The following CD86 variants were observed in gnomAD, a reference collection of about 807,000 sequenced individuals.
The protein encoded by CD86 is CD86 molecule.
Under a neutral mutation model 32.1 loss-of-function variants are expected in CD86, and 11 were observed. The observed-to-expected ratio is 0.34, with a 90% confidence interval of 0.22 to 0.57. The LOEUF is 0.57. CD86 is among the 20% of genes least tolerant of loss of function. The pLI, the probability that CD86 is intolerant of heterozygous loss-of-function variation, is 0.86. For missense variants in CD86, 359 were observed against 398.4 expected, an observed-to-expected ratio of 0.90 and a Z score of 0.84; for synonymous variants, 137 against 135.3, an observed-to-expected ratio of 1.01 and a Z score of -0.09.
intron 1 of CD86, among the ~76,000 whole-genome samples, chr3:122,090,495 C>G (rs2072798070): frequency 1.3e-5 from 2 of 152,152 alleles, no homozygotes; most frequent in African/African-American, 4.8e-5. Context: ...AAATTTATGT[C>G]CCCCTCAGTG....
chr3:122,086,916 AGT>A (rs10561530), intron 1 of CD86, among the ~76,000 whole-genome samples: 152,256 of 152,282 alleles, frequency 1, 76,115 homozygotes, highest in Middle Eastern at 1. Flanking sequence ...GTGCTACACC[AGT>A]GTGTGAAAGA....
intron 1 of CD86, among the ~76,000 whole-genome samples, chr3:122,059,875 T>C (rs564086907): frequency 6.6e-6 from 1 of 152,226 alleles, no homozygotes; most frequent in East Asian, 1.9e-4. Context: ...GGAAAAGCGG[T>C]GTGAAGACAC....
chr3:122,059,638 C>T (rs1431032561), intron 1 of CD86, among the ~76,000 whole-genome samples: 5 of 151,834 alleles, frequency 3.3e-5, no homozygotes, highest in African/African-American at 9.7e-5. Flanking sequence ...CCATGTTGAA[C>T]ACATGAGATG....
intron 3 of CD86, among the ~76,000 whole-genome samples, chr3:122,104,359 A>G (rs1386583676): frequency 1.3e-5 from 2 of 152,148 alleles, no homozygotes; most frequent in African/African-American, 4.8e-5. Context: ...TGAGCCTGGT[A>G]GACAGAAGGG....
intron 1 of CD86, among the ~76,000 whole-genome samples, chr3:122,086,967 T>C (rs560628670): frequency 2.2e-4 from 33 of 152,304 alleles, no homozygotes; most frequent in Middle Eastern, 3.4e-3. Context: ...GCTGTACCAT[T>C]TACTAGCTGG....
At chr3:122,057,761 C>T (rs1246310470) in intron 1 of CD86, among the ~76,000 whole-genome samples, 1 of 152,194 alleles carries the variant, frequency 6.6e-6, no homozygotes, top group African/African-American at 2.4e-5. Context: ...AATACACCCA[C>T]TCTACCCATA....
chr3:122,079,037 A>G (rs1313415472), intron 1 of CD86, among the ~76,000 whole-genome samples: 1 of 152,330 alleles, frequency 6.6e-6, no homozygotes, highest in South Asian at 2.1e-4. Context: ...AGTGCTTGCT[A>G]TGTTCCAGGT....
At chr3:122,088,953 A>G (rs1238659313) in intron 1 of CD86, among the ~76,000 whole-genome samples, 2 of 152,242 alleles carry the variant, frequency 1.3e-5, no homozygotes, top group Non-Finnish European at 2.9e-5. Flanking sequence ...ATGAATGGAT[A>G]AACAAAATGT....
intron 2 of CD86, among the ~76,000 whole-genome samples, chr3:122,103,308 C>T (rs1344227558): frequency 1.3e-5 from 2 of 152,092 alleles, no homozygotes; most frequent in Admixed American, 1.3e-4. Context: ...TTGTACAAGG[C>T]CACACATTTA....
At chr3:122,072,790 C>T (rs1048760434) in intron 1 of CD86, among the ~76,000 whole-genome samples, 1 of 152,132 alleles carries the variant, frequency 6.6e-6, no homozygotes, top group African/African-American at 2.4e-5. Context: ...GTGTTTTAGA[C>T]ATGAAGTCCT....
intron 4 of CD86, among the ~76,000 whole-genome samples, chr3:122,107,572 G>A (rs2073111657): frequency 6.6e-6 from 1 of 152,124 alleles, no homozygotes; most frequent in Non-Finnish European, 1.5e-5. Context: ...ATTCCCTCCT[G>A]GAATAAAGGT....
intron 1 of CD86, among the ~76,000 whole-genome samples, chr3:122,086,083 T>C (rs2072713521): frequency 6.6e-6 from 1 of 152,168 alleles, no homozygotes; most frequent in Non-Finnish European, 1.5e-5. Context: ...TGTAGTTATT[T>C]GTGGACACTT....
At chr3:122,112,314 A>T (rs932785166) in intron 5 of CD86, among the ~76,000 whole-genome samples, 4 of 151,532 alleles carry the variant, frequency 2.6e-5, no homozygotes, top group East Asian at 1.9e-4. Flanking sequence ...ATTTTTTTTT[A>T]ATTTTTTTTT....
At chr3:122,075,222 G>A (rs2072540392) in intron 1 of CD86, among the ~76,000 whole-genome samples, 2 of 152,174 alleles carry the variant, frequency 1.3e-5, no homozygotes, top group Non-Finnish European at 2.9e-5. Flanking sequence ...TCTGCTAGGA[G>A]GTAGGTTGAC....
rs2072218790 is a variant in CD86, at chr3:122,055,435, CA to C, written c.-54del. 1 of 1,587,322 alleles carries C rather than the reference CA, an allele frequency of 6.3e-7. No homozygotes were observed. Among genetic ancestry groups the C allele is most frequent in the African/African-American group, 1.3e-5 (1 of 74,370 alleles). ...CTGCTGTAACAGGGACTAGCACAGACACACGGATGAGTGGGGTCATTTCCAG... is the reference window on the plus strand; with the variant it reads ...CTGCTGTAACAGGGACTAGCACAGACCACGGATGAGTGGGGTCATTTCCAG... On this transcript the variant is annotated 5_prime_UTR_variant, in exon 1 of 7. Coordinates refer to ENST00000330540, the MANE Select transcript of CD86 (RefSeq NM_175862.5).
At chr3:122,114,788 C>T (rs1419076743) in intron 5 of CD86, among the ~76,000 whole-genome samples, 1 of 152,068 alleles carries the variant, frequency 6.6e-6, no homozygotes, top group Non-Finnish European at 1.5e-5. Context: ...ACAGGAAAAA[C>T]TTTTGACAAA....
intron 2 of CD86, among the ~76,000 whole-genome samples, chr3:122,100,613 G>A (rs1243096458): frequency 6.6e-6 from 1 of 152,228 alleles, no homozygotes; most frequent in African/African-American, 2.4e-5. Flanking sequence ...TGAAGTCCCA[G>A]TGGGGTCAGA....
At chr3:122,105,922 T>A (rs1162648863) in intron 3 of CD86, among the ~76,000 whole-genome samples, 3 of 152,168 alleles carry the variant, frequency 2.0e-5, no homozygotes, top group African/African-American at 4.8e-5. Flanking sequence ...TCATTGTAAA[T>A]CTTTGGTGAC....
chr3:122,100,673 A>G (rs550906018), intron 2 of CD86, among the ~76,000 whole-genome samples: 2 of 152,340 alleles, frequency 1.3e-5, no homozygotes, highest in South Asian at 2.1e-4. Flanking sequence ...TTCCAACAGT[A>G]GAGTGTATTG....
Sources: gnomAD v4.1 joint callset for allele counts (sites outside exome capture counted in the v4.1 genomes callset) on GRCh38, gnomAD v4.1.1 for gene constraint, MANE v1.5 for transcripts, NCBI Gene and HGNC (gene_info 2026-07-23, HGNC 2026-07-21) for gene names.